Variants in KCNH2 observed in about 807,000 individuals in gnomAD.
The protein encoded by KCNH2 is potassium voltage-gated channel subfamily H member 2.
A neutral mutation model predicts 95.9 loss-of-function variants in KCNH2; 35 were observed. The observed-to-expected ratio is 0.37, with a 90% confidence interval of 0.28 to 0.48. The LOEUF (loss-of-function observed/expected upper bound fraction) is 0.48. KCNH2 is among the 20% of genes least tolerant of loss of function. The pLI, the probability that KCNH2 is intolerant of heterozygous loss-of-function variation, is 0.99. For missense variants in KCNH2, 1,274 were observed against 1,702.9 expected, an observed-to-expected ratio of 0.75 and a Z score of 4.43; for synonymous variants, 786 against 754.7, an observed-to-expected ratio of 1.04 and a Z score of -0.68.
chr7:150,947,308 C>T lies in KCNH2; in HGVS notation c.3152+20G>A. 1 of 1,533,246 alleles carries T rather than the reference C, an allele frequency of 6.5e-7. No individual in the cohort carries two copies. The highest frequency in any genetic ancestry group is 2.4e-5 in the East Asian group (1 of 40,882). 95.0% of individuals were successfully genotyped at this position (1,533,246 alleles called of 1,614,324 possible). A position where few individuals can be genotyped will look rare whatever the true frequency, so the allele number is the denominator to read the frequency against. On this transcript the variant is annotated intron_variant, in intron 13 of 14. Transcript: ENST00000262186. ...CCAGACTCCAGGGCGTGCCCCCCCA[C>T]CCCACCTGCACTCCCTCACCTGTTG...
In KCNH2 at chr7:150,947,070, G is replaced by A. The variant is rs779662956; in HGVS notation, c.3153-16C>T. ...GGTCTCCAGCCTGGGGCAGGAAGTG[G>A]GGGATGCTCAGAGAAGTGGGGACAC... On this transcript the variant is annotated splice_polypyrimidine_tract_variant and intron_variant, in intron 13 of 14. Coordinates refer to ENST00000262186, the MANE Select transcript of KCNH2 (RefSeq NM_000238.4). 6.3e-7 allele frequency: 1 copy of A among 1,582,296 alleles called. No homozygotes were observed. The highest frequency in any genetic ancestry group is 1.2e-5 in the South Asian group (1 of 86,882).
At position 150,958,260 on chromosome 7, in the gene KCNH2, A is replaced by G; in HGVS notation, c.715T>C (p.Ser239Pro). 1 of 1,436,754 alleles carries G rather than the reference A, an allele frequency of 7.0e-7. No homozygotes were observed. The highest frequency in any genetic ancestry group is 9.1e-7 in the Non-Finnish European group (1 of 1,098,518). The allele number at this position is 1,436,754 out of a possible 1,614,324, so 89.0% of individuals were successfully genotyped here. Residue 239 changes from serine (S) to proline (P), a missense_variant, in exon 4 of 15, where the codon TCT (serine) becomes CCT (proline). Physicochemically the swap from Ser to Pro is moderately conservative, Grantham distance 74 (BLOSUM62 -1). Around this residue, in one of 7 missense-constraint regions of KCNH2, gnomAD observed 392 missense variants for 429.9 expected, o/e 0.91. Transcript: ENST00000262186. ...EERRALVGPG[S>P]PPRSAPGQLP... is the part of the protein sequence containing the mutation. Reference sequence around the variant, plus strand: ...TGGCCGGGCGCGCTGCGGGGCGGAGAGCCGGGACCCACCAGCGCACGCCGC... The same window carrying G: ...TGGCCGGGCGCGCTGCGGGGCGGAGGGCCGGGACCCACCAGCGCACGCCGC...
chr7:150,952,512 G>A lies in KCNH2; in HGVS notation c.1470C>T (p.Ala490=), dbSNP rs1228965902. Residue 490 remains alanine, a synonymous_variant, in exon 6 of 15, where the codon GCC becomes GCT. Transcript: ENST00000262186. This position sits in a 1 kb window ranked among gnomAD's most constrained non-coding sequence, Gnocchi z 7.3. ...GGAACCAGCCCTTGAAGTAGTGGAC[G>A]GCGATGCGGCCGGGGTGGCTGACCA... The part of the protein sequence containing the change: ...EEVVSHPGRI[A]VHYFKGWFLI... 5.6e-6 allele frequency: 9 copies of A among 1,614,030 alleles called. No homozygotes were observed. In the East Asian group the frequency reaches 6.7e-5, roughly 12 times the overall value.
At chr7:150,953,581 G>A (rs1801264734) in intron 5 of KCNH2, among the ~76,000 whole-genome samples, 1 of 152,156 alleles carries the variant, frequency 6.6e-6, no homozygotes, top group African/African-American at 2.4e-5. Flanking sequence ...CACAGCCCCT[G>A]TACCAGCTCA....
In KCNH2 at chr7:150,951,666, T is replaced by C. The variant is rs1801171962; in HGVS notation, c.1727A>G (p.Gln576Arg). The stretch of plus-strand genomic sequence containing the variant: ...GCCGATGCGTGAGTCCATGTGTGGC[T>C]GCTCCATGTTGCCGATGGCGTACCA... The part of the protein sequence containing the change: ...CIWYAIGNME[Q>R]PHMDSRIGWL... The change falls in exon 7 of 15, where the codon CAG becomes CGG. Residue 576 changes from glutamine to arginine, a missense_variant. Around this residue, in one of 7 missense-constraint regions of KCNH2, gnomAD observed 147 missense variants for 344.4 expected, o/e 0.43. Transcript: ENST00000262186. 6.2e-7 allele frequency: 1 copy of C among 1,614,090 alleles called. No individual in the cohort carries two copies. The highest frequency in any genetic ancestry group is 1.7e-5 in the Admixed American group (1 of 60,014).
chr7:150,946,940 A>G lies in KCNH2; in HGVS notation c.3267T>C (p.Thr1089=). 1 of 1,600,872 alleles carries G rather than the reference A, an allele frequency of 6.2e-7. No individual in the cohort carries two copies. The highest frequency in any genetic ancestry group is 8.5e-7 in the Non-Finnish European group (1 of 1,171,934). Residue 1089 remains threonine (T), a synonymous_variant, in exon 14 of 15, where the codon ACT becomes ACC. Coordinates refer to ENST00000262186, the MANE Select transcript of KCNH2 (RefSeq NM_000238.4). The surrounding 1 kb of genome is among the most constrained non-coding windows in gnomAD (Gnocchi z 6.5). ...SAVTTPGPGP[T]STSPLLPVSP... ...TGACGGGCAACAGCGGGGATGTGGAAGTGGGGCCAGGCCCCGGGGTGGTCA... is the reference window on the plus strand; with the variant it reads ...TGACGGGCAACAGCGGGGATGTGGAGGTGGGGCCAGGCCCCGGGGTGGTCA...
Position 150,945,980 on chromosome 7 carries a change from G to A in KCNH2, c.3331-466C>T, listed in dbSNP as rs565707878. Among the ~76,000 whole-genome samples, 46 of 152,318 alleles carry A rather than the reference G, an allele frequency of 3.0e-4. No individual in the cohort carries two copies. Among genetic ancestry groups the A allele is most frequent in the Non-Finnish European group, 5.1e-4 (35 of 68,026 alleles). ...ATCTGAAGGCCAGGGAGAGGGCCGG[G>A]GCAGGCGGGAGGGGTTTGTGGGTAC... On this transcript the variant is annotated intron_variant, in intron 14 of 14. Transcript: ENST00000262186. This position sits in a 1 kb window ranked among gnomAD's most constrained non-coding sequence, Gnocchi z 5.6.
In KCNH2 at chr7:150,950,164, A is replaced by AT; in HGVS notation, c.2398+3dup. 1.4e-6 allele frequency: 1 copy of AT among 737,420 alleles called. No homozygotes were observed. The highest frequency in any genetic ancestry group is 2.3e-6 in the Non-Finnish European group (1 of 438,850). 45.7% of individuals were successfully genotyped at this position (737,420 alleles called of 1,614,324 possible). On this transcript the variant is annotated splice_donor_region_variant and intron_variant, in intron 9 of 14. Transcript: ENST00000262186. The stretch of plus-strand genomic sequence containing the variant: ...CAGTCCAGTGCCCGCCCCCCACCCC[A>AT]TACCCAGGATGGCCACGACGACGTC...
Position 150,947,403 on chromosome 7 carries a change from G to A in KCNH2, c.3077C>T (p.Pro1026Leu), listed in dbSNP as rs41307271. Reference protein sequence around the residue: ...PAPTPSLLNIPLSSPGRRPRG... With the variant: ...PAPTPSLLNILLSSPGRRPRG... ...GGGCCGCCGACCCGGGCTGGAGAGGGGGATGTTGAGGAGGCTGGGGGTGGG... is the reference window on the plus strand; with the variant it reads ...GGGCCGCCGACCCGGGCTGGAGAGGAGGATGTTGAGGAGGCTGGGGGTGGG... The change falls in exon 13 of 15, where the codon CCC becomes CTC. Residue 1026 changes from proline to leucine, a missense_variant. This residue lies in a region of KCNH2 where 457 missense variants were observed against 416.1 expected (regional missense o/e 1.10). Transcript: ENST00000262186. The A allele has an allele frequency of 2.6e-6, 4 of 1,552,014 alleles. No homozygotes were observed. Among genetic ancestry groups the A allele is most frequent in the Non-Finnish European group, 3.5e-6 (4 of 1,148,088 alleles).
At chr7:150,969,466 T>TGAA (rs10671741) in intron 2 of KCNH2, among the ~76,000 whole-genome samples, 126,021 of 151,802 alleles carry the variant, frequency 0.83, 52,913 homozygotes, top group East Asian at 0.97. Context: ...CCTCTGAGGG[T>TGAA]GAAGCTGGGA....
chr7:150,974,664 C>T (rs1441586447), intron 2 of KCNH2, 47 bp downstream of exon 2: 10 of 1,482,842 alleles, frequency 6.7e-6, no homozygotes, highest in Non-Finnish European at 9.2e-6. Flanking sequence ...GGTCCCGCCC[C>T]TCTTGACCCC....
chr7:150,977,808 C>T lies in KCNH2; in HGVS notation c.76+30G>A, dbSNP rs767690800. ...AGAGCTCGGCCCGCCCCCAGAGCCC[C>T]CTCCCCGCTCAGCCCCCTCCCCCAC... On this transcript the variant is annotated intron_variant, in intron 1 of 14. Transcript: ENST00000262186. 6 of 1,184,466 alleles carry T rather than the reference C, an allele frequency of 5.1e-6. No individual in the cohort carries two copies. In the South Asian group the frequency reaches 5.2e-5, roughly 10 times the overall value. 73.4% of individuals were successfully genotyped at this position (1,184,466 alleles called of 1,614,324 possible). A position where few individuals can be genotyped will look rare whatever the true frequency, so the allele number is the denominator to read the frequency against.
At chr7:150,951,391 C>T in intron 7 of KCNH2, 57 bp downstream of exon 7, 1 of 1,606,472 alleles carries the variant, frequency 6.2e-7, no homozygotes, top group African/African-American at 1.3e-5. Flanking sequence ...CAGTTTCCTC[C>T]AACTTGGGTT....
rs569487823 is a variant in KCNH2, at chr7:150,951,190, G to A, written c.1946-70C>T. Reference sequence around the variant, plus strand: ...CACCCACCCACAGGGACCCTGCTCAGGCCCCGCACCAGGTCAGTGTCTCAG... The same window carrying A: ...CACCCACCCACAGGGACCCTGCTCAAGCCCCGCACCAGGTCAGTGTCTCAG... On this transcript the variant is annotated intron_variant, in intron 7 of 14. Coordinates refer to ENST00000262186, the MANE Select transcript of KCNH2 (RefSeq NM_000238.4). 3 of 1,345,322 alleles carry A rather than the reference G, an allele frequency of 2.2e-6. No homozygotes were observed. The South Asian group carries it at 3.9e-5, about 17-fold the overall frequency. The allele number at this position is 1,345,322 out of a possible 1,614,324, so 83.3% of individuals were successfully genotyped here. A position where few individuals can be genotyped will look rare whatever the true frequency, so the allele number is the denominator to read the frequency against.
intron 9 of KCNH2, chr7:150,949,557 ATT>A (rs1801053960): frequency 1.0e-6 from 1 of 972,362 alleles, no homozygotes; most frequent in South Asian, 3.3e-5. Context: ...GGGGGTGTGT[ATT>A]TGTGTTTGTA....
rs1228451047 is a variant in KCNH2 at position 150,960,934 on chromosome 7, A to G, written c.308-1198T>C. Reference sequence around the variant, plus strand: ...TTAGGCCAAGCACTCAGTTCCACCTAAGGCCCAGCTCAGAACCTCCTGCCC... The same window carrying G: ...TTAGGCCAAGCACTCAGTTCCACCTGAGGCCCAGCTCAGAACCTCCTGCCC... On this transcript the variant is annotated intron_variant, in intron 2 of 14. Transcript: ENST00000262186. Among the ~76,000 whole-genome samples the G allele has an allele frequency of 4.9e-5, 7 of 141,862 alleles. No homozygotes were observed. In the Admixed American group the frequency reaches 5.4e-4, roughly 11 times the overall value. 93.1% of individuals were successfully genotyped at this position (141,862 alleles called of 152,430 possible).
Position 150,958,498 on chromosome 7 carries a change from G to A in KCNH2, c.477C>T (p.Arg159=), listed in dbSNP as rs1271822540. ...GPPTSWLAPG[R]AKTFRLKLPA... ...GCAGCTTCAGGCGGAAGGTCTTGGC[G>A]CGGCCTGCGGGAGAGGAGAGGCACG... Residue 159 remains arginine (R), a synonymous_variant, in exon 4 of 15, where the codon CGC becomes CGT. Transcript: ENST00000262186. The A allele has an allele frequency of 1.4e-6, 2 of 1,476,006 alleles. No homozygotes were observed. The highest frequency in any genetic ancestry group is 2.9e-5 in the African/African-American group (2 of 68,500). The allele number at this position is 1,476,006 out of a possible 1,614,324, so 91.4% of individuals were successfully genotyped here.
At position 150,961,605 on chromosome 7, in the gene KCNH2, T is replaced by C. The variant is rs1801568818; in HGVS notation, c.308-1869A>G. 6.6e-6 allele frequency among the ~76,000 whole-genome samples: 1 copy of C among 152,136 alleles called. No individual in the cohort carries two copies. Among genetic ancestry groups the C allele is most frequent in the Non-Finnish European group, 1.5e-5 (1 of 68,016 alleles). On this transcript the variant is annotated intron_variant, in intron 2 of 14. Transcript: ENST00000262186. This position sits in a 1 kb window ranked among gnomAD's most constrained non-coding sequence, Gnocchi z 6.2. Reference sequence around the variant, plus strand: ...GTGAGCCACCGCACCCAGCCTCTCCTCACCTTTCTACCTCCTAGAGCCTCC... The same window carrying C: ...GTGAGCCACCGCACCCAGCCTCTCCCCACCTTTCTACCTCCTAGAGCCTCC...
Position 150,962,916 on chromosome 7 carries a change from T to C in KCNH2, c.308-3180A>G, listed in dbSNP as rs1318782524. Among the ~76,000 whole-genome samples the C allele has an allele frequency of 6.6e-6, 1 of 152,166 alleles. No homozygotes were observed. Among genetic ancestry groups the C allele is most frequent in the African/African-American group, 2.4e-5 (1 of 41,448 alleles). On this transcript the variant is annotated intron_variant, in intron 2 of 14. Coordinates refer to ENST00000262186, the MANE Select transcript of KCNH2 (RefSeq NM_000238.4). The surrounding 1 kb of genome is among the most constrained non-coding windows in gnomAD (Gnocchi z 5.7). The stretch of plus-strand genomic sequence containing the variant: ...GGCTTCGGTGAACTGCCACATCACC[T>C]GCTCCCAGCTCTTCAGCCAGGCCTC...
Sources: allele counts gnomAD v4.1 joint callset (sites outside exome capture counted in the v4.1 genomes callset), GRCh38; gene constraint gnomAD v4.1.1; regional missense constraint gnomAD v4.1.1; non-coding constraint Gnocchi (gnomAD v3.1); transcripts MANE v1.5; gene names NCBI Gene and HGNC (gene_info 2026-07-23, HGNC 2026-07-21).